The following ASTN2 variants were observed in gnomAD, a reference collection of about 807,000 sequenced individuals.
ASTN2 encodes astrotactin 2.
Under a neutral mutation model 139.8 loss-of-function variants are expected in ASTN2, and 54 were observed. The ratio of observed to expected loss-of-function variants is 0.39; its 90% CI spans 0.31 to 0.48. The LOEUF (loss-of-function observed/expected upper bound fraction) is 0.48, where lower values mean the gene tolerates loss of function less well. Ranked by LOEUF, ASTN2 falls within the 20% of genes least tolerant of loss-of-function variation. The pLI, the probability that ASTN2 is intolerant of heterozygous loss-of-function variation, is 0.95. For missense variants in ASTN2, 1,565 were observed against 1,725.1 expected (o/e 0.91, Z 1.64); for synonymous variants, 756 against 719.5 (o/e 1.05, Z -0.81).
At chr9:116,768,468 T>G (rs1829870107) in intron 13 of ASTN2, among the ~76,000 whole-genome samples, 1 of 152,198 alleles carries the variant, frequency 6.6e-6, no homozygotes, top group African/African-American at 2.4e-5. Flanking sequence ...CTGGCTGACT[T>G]TTTGTTTTCT....
At chr9:117,064,174 T>TAAATC (rs1348182528) in intron 5 of ASTN2, among the ~76,000 whole-genome samples, 3 of 151,796 alleles carry the variant, frequency 2.0e-5, no homozygotes, top group Non-Finnish European at 4.4e-5. Context: ...AAGATCATGT[T>TAAATC]AAATCAAATC....
Position 116,621,441 on chromosome 9 carries a change from GCACA to G in ASTN2, c.3073-1002_3073-999del, listed in dbSNP as rs10547546. Among the ~76,000 whole-genome samples, 265 of 147,762 alleles carry G rather than the reference GCACA, an allele frequency of 1.8e-3. 4 individuals carry two copies. Among genetic ancestry groups the G allele is most frequent in the South Asian group, 8.4e-3 (39 of 4,628 alleles). ...CACACACACACACACACACATGCACGCACACACACACACACACACACACATTCCA... is the reference window on the plus strand; with the variant it reads ...CACACACACACACACACACATGCACGCACACACACACACACACACATTCCA... On this transcript the variant is annotated intron_variant, in intron 17 of 22. Coordinates refer to ENST00000313400, the MANE Select transcript of ASTN2 (RefSeq NM_001365068.1).
rs1006910673 is a variant in ASTN2 at position 117,414,829 on chromosome 9, AGCAGCAGCAGCG to A, written c.98_109del (p.Pro33_Leu36del). On this transcript the variant is annotated inframe_deletion, in exon 1 of 23. Coordinates refer to ENST00000313400, the MANE Select transcript of ASTN2 (RefSeq NM_001365068.1). The surrounding 1 kb of genome is among the most constrained non-coding windows in gnomAD (Gnocchi z 4.2). Reference sequence around the variant, plus strand: ...CGGCGGCGGCAGCAGGAGCAGGAACAGCAGCAGCAGCGGCAGCAGTGGCGGCGGCCCCGGGTG... The same window carrying A: ...CGGCGGCGGCAGCAGGAGCAGGAACAGCAGCAGTGGCGGCGGCCCCGGGTG... 2.5e-5 allele frequency: 29 copies of A among 1,166,674 alleles called. No individual in the cohort carries two copies. The African/African-American group carries it at 4.3e-4, about 17-fold the overall frequency. The allele number at this position is 1,166,674 out of a possible 1,614,324, so 72.3% of individuals were successfully genotyped here.
intron 2 of ASTN2, among the ~76,000 whole-genome samples, chr9:117,288,650 GGA>G (rs1834508556): frequency 6.6e-6 from 1 of 152,116 alleles, no homozygotes; most frequent in Non-Finnish European, 1.5e-5. Flanking sequence ...TGTGAAATGG[GGA>G]GACAGATCCC....
rs773617933 is a variant in ASTN2, at chr9:117,291,527, C to T, written c.443-14G>A. On this transcript the variant is annotated splice_polypyrimidine_tract_variant and intron_variant, in intron 1 of 22. Coordinates refer to ENST00000313400, the MANE Select transcript of ASTN2 (RefSeq NM_001365068.1). ...TGCCAGACATCTCTGCAAGACAAGACCCGAGGCACTGGGTGAGCCGTACGC... is the reference window on the plus strand; with the variant it reads ...TGCCAGACATCTCTGCAAGACAAGATCCGAGGCACTGGGTGAGCCGTACGC... The T allele has an allele frequency of 2.0e-5, 31 of 1,579,850 alleles. No individual in the cohort carries two copies. The highest frequency in any genetic ancestry group is 1.7e-4 in the Middle Eastern group (1 of 5,842).
At chr9:117,302,247 T>C (rs1834895232) in intron 1 of ASTN2, among the ~76,000 whole-genome samples, 1 of 152,158 alleles carries the variant, frequency 6.6e-6, no homozygotes, top group Admixed American at 6.5e-5. Context: ...ACAGCAACGA[T>C]CTGGAATCAT....
chr9:116,793,007 C>T (rs1180501136), intron 13 of ASTN2, among the ~76,000 whole-genome samples: 5 of 151,886 alleles, frequency 3.3e-5, no homozygotes, highest in Non-Finnish European at 7.4e-5. Flanking sequence ...CTATGCTCAG[C>T]ACATGAGTAA....
chr9:117,282,200 A>T (rs1352039305), intron 2 of ASTN2, among the ~76,000 whole-genome samples: 1 of 152,122 alleles, frequency 6.6e-6, no homozygotes, highest in Non-Finnish European at 1.5e-5. Flanking sequence ...CTCCGTCTCT[A>T]GTAATTTCAA....
Position 117,414,754 on chromosome 9 carries a change from G to A in ASTN2, c.185C>T (p.Pro62Leu). The A allele has an allele frequency of 7.9e-7, 1 of 1,267,930 alleles. No individual in the cohort carries two copies. 78.5% of individuals were successfully genotyped at this position (1,267,930 alleles called of 1,614,324 possible). ...TAAASREPDS[P>L]CRLKTVTVST... ...CACCGTGACGGTCTTCAGCCGGCAC[G>A]GGCTGTCGGGCTCCCGCGAGGCAGC... The change falls in exon 1 of 23, where the codon CCG becomes CTG. Residue 62 changes from proline (P) to leucine (L), a missense_variant. Pro to Leu is a moderately conservative substitution (Grantham distance 98). Transcript: ENST00000313400. This position sits in a 1 kb window ranked among gnomAD's most constrained non-coding sequence, Gnocchi z 4.2.
rs1005094897 is a variant in ASTN2, at chr9:117,059,032, A to G, written c.1277-19067T>C. Among the ~76,000 whole-genome samples the G allele has an allele frequency of 2.6e-5, 4 of 152,192 alleles. No individual in the cohort carries two copies. The South Asian group carries it at 8.3e-4, about 32-fold the overall frequency. On this transcript the variant is annotated intron_variant, in intron 5 of 22. Transcript: ENST00000313400. ...ATCAGTGAAGGTGGCATAATGAGGC[A>G]ACGTGTTATAATGCCCGGTCTATCT...
chr9:117,407,483 G>A (rs1434135045), intron 1 of ASTN2, among the ~76,000 whole-genome samples: 1 of 152,190 alleles, frequency 6.6e-6, no homozygotes, highest in Non-Finnish European at 1.5e-5. Context: ...CAGTGCTGGG[G>A]ATGAAGAAGT....
chr9:117,414,636 G>A lies in ASTN2; in HGVS notation c.303C>T (p.Ala101=), dbSNP rs1432182873. Residue 101 remains alanine (A), a synonymous_variant, in exon 1 of 23, where the codon GCC becomes GCT. Coordinates refer to ENST00000313400, the MANE Select transcript of ASTN2 (RefSeq NM_001365068.1). This position sits in a 1 kb window ranked among gnomAD's most constrained non-coding sequence, Gnocchi z 4.2. ...AGCCAGGAGAGCCCGGGGACGCGGC[G>A]GCGGCGGCGGCTCCGGCCCCGGTCC... The part of the protein sequence containing the change: ...GAGTGAGAAA[A]AASPGSPGSA... 2.1e-6 allele frequency: 3 copies of A among 1,401,536 alleles called. No homozygotes were observed. The highest frequency in any genetic ancestry group is 5.4e-4 in the Middle Eastern group (2 of 3,708). 86.8% of individuals were successfully genotyped at this position (1,401,536 alleles called of 1,614,324 possible).
intron 2 of ASTN2, among the ~76,000 whole-genome samples, chr9:117,231,511 G>A (rs182915853): frequency 6.6e-6 from 1 of 152,226 alleles, no homozygotes; most frequent in African/African-American, 2.4e-5. Flanking sequence ...TGATATAATT[G>A]TAAAAATAAA....
intron 3 of ASTN2, among the ~76,000 whole-genome samples, chr9:117,208,610 T>C (rs896742458): frequency 6.6e-6 from 1 of 152,130 alleles, no homozygotes; most frequent in African/African-American, 2.4e-5. Context: ...TCCAACGTCT[T>C]GGGAGAGAGA....
intron 16 of ASTN2, among the ~76,000 whole-genome samples, chr9:116,660,341 T>G (rs1321284131): frequency 1.3e-5 from 2 of 152,232 alleles, no homozygotes; most frequent in Non-Finnish European, 2.9e-5. Flanking sequence ...GTATAAGTAA[T>G]AAGCACAATT....
intron 7 of ASTN2, among the ~76,000 whole-genome samples, chr9:116,985,940 G>C (rs151068204): frequency 2.4e-4 from 37 of 152,320 alleles, no homozygotes; most frequent in Non-Finnish European, 4.1e-4. Context: ...GGCCATTGGA[G>C]GCTGAATCCT....
chr9:117,168,505 A>C (rs1229722612), intron 3 of ASTN2, among the ~76,000 whole-genome samples: 1 of 152,084 alleles, frequency 6.6e-6, no homozygotes, highest in Non-Finnish European at 1.5e-5. Flanking sequence ...TTATATTTGG[A>C]GGTGAGAGTT....
chr9:117,294,026 C>T (rs756111126), intron 1 of ASTN2, among the ~76,000 whole-genome samples: 32 of 152,194 alleles, frequency 2.1e-4, no homozygotes, highest in African/African-American at 7.5e-4. Flanking sequence ...ATCTGAGCTC[C>T]TTGCTCCTAG....
chr9:116,981,537 A>G (rs1836513647), intron 7 of ASTN2, among the ~76,000 whole-genome samples: 1 of 152,248 alleles, frequency 6.6e-6, no homozygotes, highest in Non-Finnish European at 1.5e-5. Flanking sequence ...AGGAAACTCA[A>G]GCTAAGAGAG....
Sources: allele counts gnomAD v4.1 joint callset (sites outside exome capture counted in the v4.1 genomes callset), GRCh38; gene constraint gnomAD v4.1.1; non-coding constraint Gnocchi (gnomAD v3.1); transcripts MANE v1.5; gene names NCBI Gene and HGNC (gene_info 2026-07-23, HGNC 2026-07-21).